PSD3: variants seen among roughly 807,000 people sequenced by gnomAD.
PSD3 encodes PH and SEC7 domain-containing protein 3.
In PSD3, 49 loss-of-function variants were observed where a neutral mutation model predicts 105.5. The observed-to-expected ratio is 0.46, with a 90% confidence interval of 0.37 to 0.59. PSD3 has a LOEUF of 0.59. Ranked by LOEUF, PSD3 falls within the 20% of genes least tolerant of loss-of-function variation. The pLI is 0.00. For synonymous variants in PSD3, 557 were observed against 457.8 expected (o/e 1.22, Z -2.77); for missense variants, 1,561 against 1,263.8 (o/e 1.24, Z -3.57).
chr8:18,707,594 C>T (rs1801980168), intron 9 of PSD3, among the ~76,000 whole-genome samples: 1 of 152,118 alleles, frequency 6.6e-6, no homozygotes, highest in Admixed American at 6.6e-5. Flanking sequence ...TATCATCACT[C>T]CCATGTTCCA....
chr8:18,959,586 C>CT (rs77840849), intron 1 of PSD3, among the ~76,000 whole-genome samples: 61,646 of 151,810 alleles, frequency 0.41, 12,734 homozygotes, highest in African/African-American at 0.43. Context: ...TATTTAATGC[C>CT]TATGACTCCA....
intron 14 of PSD3, among the ~76,000 whole-genome samples, chr8:18,571,167 C>G (rs1475937709): frequency 6.6e-6 from 1 of 152,018 alleles, no homozygotes. Context: ...AGTCTTAAAG[C>G]TATTATTTTA....
chr8:19,072,105 CTTTT>C (rs60783892), intron 1 of PSD3, among the ~76,000 whole-genome samples: 1 of 142,698 alleles, frequency 7.0e-6, no homozygotes, highest in Non-Finnish European at 1.5e-5. Flanking sequence ...AATATTTCTT[CTTTT>C]TTTTTTTTTT....
At chr8:18,930,141 GCAC>G (rs1821643264) in intron 2 of PSD3, among the ~76,000 whole-genome samples, 1 of 152,224 alleles carries the variant, frequency 6.6e-6, no homozygotes, top group Admixed American at 6.5e-5. Flanking sequence ...GGCTCCACAG[GCAC>G]CATACAGCAA....
chr8:18,980,583 G>A (rs1825200897), intron 1 of PSD3, among the ~76,000 whole-genome samples: 1 of 151,972 alleles, frequency 6.6e-6, no homozygotes, highest in Admixed American at 6.6e-5. Context: ...TCTTATTTGT[G>A]CTATTCATCT....
intron 1 of PSD3, among the ~76,000 whole-genome samples, chr8:18,960,257 A>G (rs1364845735): frequency 6.6e-6 from 1 of 152,238 alleles, no homozygotes; most frequent in Non-Finnish European, 1.5e-5. Context: ...GTCAGAATGC[A>G]GAGTGTGGTC....
At chr8:18,593,890 C>T (rs1435003740) in intron 12 of PSD3, among the ~76,000 whole-genome samples, 15 of 143,180 alleles carry the variant, frequency 1.0e-4, no homozygotes, top group African/African-American at 2.9e-4. Context: ...AACCAAACAC[C>T]GCATGCTCTC....
At chr8:18,903,333 C>A (rs1819633043) in intron 2 of PSD3, among the ~76,000 whole-genome samples, 1 of 152,064 alleles carries the variant, frequency 6.6e-6, no homozygotes, top group Non-Finnish European at 1.5e-5. Context: ...CCTGGGTTGG[C>A]AGTGATCGTC....
chr8:18,535,900 C>T lies in PSD3; in HGVS notation c.2987G>A (p.Ser996Asn), dbSNP rs1799819602. 6.2e-7 allele frequency: 1 copy of T among 1,614,076 alleles called. No homozygotes were observed. Among genetic ancestry groups the T allele is most frequent in the African/African-American group, 1.3e-5 (1 of 74,934 alleles). ...ILKEGGKELL[S>N]NDESEAAGLK... ...TCCTGCAGCCTCGCTTTCATCGTTA[C>T]TCAGTAGCTCTTTGCCTCCTTCCTT... Residue 996 changes from serine to asparagine, a missense_variant, in exon 16 of 16, where the codon AGT becomes AAT. Physicochemically the swap from Ser to Asn is conservative, Grantham distance 46. Coordinates refer to ENST00000327040, the MANE Select transcript of PSD3 (RefSeq NM_015310.4).
intron 9 of PSD3, among the ~76,000 whole-genome samples, chr8:18,691,209 C>T (rs1411785041): frequency 6.6e-6 from 1 of 152,106 alleles, no homozygotes; most frequent in African/African-American, 2.4e-5. Flanking sequence ...GGGGGAACAC[C>T]CGTATAAGTT....
At chr8:18,719,401 T>G (rs1275454304) in intron 9 of PSD3, among the ~76,000 whole-genome samples, 2 of 152,182 alleles carry the variant, frequency 1.3e-5, no homozygotes, top group East Asian at 3.8e-4. Context: ...AAAAAGAATT[T>G]TCTCAAGCCA....
chr8:18,703,274 C>T (rs4921954), intron 9 of PSD3, among the ~76,000 whole-genome samples: 142,376 of 152,198 alleles, frequency 0.94, 67,340 homozygotes, highest in East Asian at 1. Context: ...ACACTGAAGC[C>T]GCTCAGGGAC....
intron 1 of PSD3, among the ~76,000 whole-genome samples, chr8:18,955,438 T>C (rs1823507818): frequency 6.6e-6 from 1 of 152,218 alleles, no homozygotes; most frequent in South Asian, 2.1e-4. Context: ...TTAATGTTGA[T>C]ATATTTTCAT....
chr8:18,815,173 C>T lies in PSD3; in HGVS notation c.1635-10275G>A, dbSNP rs151232483. Among the ~76,000 whole-genome samples, 129 of 152,256 alleles carry T rather than the reference C, an allele frequency of 8.5e-4. 1 individual carries two copies. The highest frequency in any genetic ancestry group is 2.9e-3 in the African/African-American group (120 of 41,544). ...GAGAAGTTCTGGCCTCCCATTGCTC[C>T]CACCCCCTTTTCTCTTCTAACTCTT... On this transcript the variant is annotated intron_variant, in intron 4 of 15. Coordinates refer to ENST00000327040, the MANE Select transcript of PSD3 (RefSeq NM_015310.4).
intron 1 of PSD3, among the ~76,000 whole-genome samples, chr8:19,079,279 T>A (rs918335732): frequency 1.3e-5 from 2 of 152,118 alleles, no homozygotes; most frequent in Non-Finnish European, 2.9e-5. Flanking sequence ...CAACGTAGCG[T>A]AAAATGAACT....
chr8:19,003,376 C>G (rs375099524), intron 1 of PSD3, among the ~76,000 whole-genome samples: 1 of 151,758 alleles, frequency 6.6e-6, no homozygotes, highest in East Asian at 1.9e-4. Flanking sequence ...AGCAAGACCC[C>G]GTCTTTAAAA....
chr8:18,634,240 C>T (rs548799747), intron 10 of PSD3, among the ~76,000 whole-genome samples: 24 of 151,912 alleles, frequency 1.6e-4, no homozygotes, highest in African/African-American at 2.7e-4. Flanking sequence ...TTGATAATGA[C>T]GGTAATCAGA....
chr8:18,709,234 T>C (rs1173964283), intron 9 of PSD3, among the ~76,000 whole-genome samples: 2 of 152,284 alleles, frequency 1.3e-5, no homozygotes, highest in South Asian at 4.1e-4. Flanking sequence ...CTGTGGCAGA[T>C]CATGGGCTGA....
intron 1 of PSD3, among the ~76,000 whole-genome samples, chr8:18,991,550 G>C (rs1252363671): frequency 2.0e-5 from 3 of 152,118 alleles, no homozygotes; most frequent in Non-Finnish European, 4.4e-5. Flanking sequence ...GGTAATACCT[G>C]TGGAATGAGG....
Sources: gnomAD v4.1 joint callset for allele counts (sites outside exome capture counted in the v4.1 genomes callset) on GRCh38, gnomAD v4.1.1 for gene constraint, MANE v1.5 for transcripts, NCBI Gene and HGNC (gene_info 2026-07-23, HGNC 2026-07-21) for gene names.